Variants in PDE1C observed in about 807,000 individuals in gnomAD.
PDE1C encodes the protein phosphodiesterase 1C.
A neutral mutation model predicts 93.1 loss-of-function variants in PDE1C; 62 were observed. The ratio of observed to expected loss-of-function variants is 0.67; its 90% CI spans 0.54 to 0.82. The LOEUF (loss-of-function observed/expected upper bound fraction) is 0.82, where lower values mean the gene tolerates loss of function less well. PDE1C is among the 40% of genes least tolerant of loss of function. PDE1C has a pLI of 0.00. For synonymous variants in PDE1C, 325 were observed against 310.1 expected, an observed-to-expected ratio of 1.05 and a Z score of -0.50; for missense variants, 742 against 884.6, an observed-to-expected ratio of 0.84 and a Z score of 2.04.
chr7:32,075,638 C>A (rs192245969), upstream of PDE1C, among the ~76,000 whole-genome samples: 173 of 152,200 alleles, frequency 1.1e-3, no homozygotes, highest in African/African-American at 4.0e-3. Flanking sequence ...CCAGAGGTAC[C>A]CCCACTCTAG....
At chr7:31,809,212 T>C (rs752511050) in intron 15 of PDE1C, 104 bp from the exon 16 acceptor site, 9 of 686,058 alleles carry the variant, frequency 1.3e-5, no homozygotes, top group Non-Finnish European at 1.9e-5. Flanking sequence ...CATAATTTTA[T>C]AGTCATAAGA....
chr7:32,066,253 G>T (rs1795390889), intron 1 of PDE1C, among the ~76,000 whole-genome samples: 1 of 152,170 alleles, frequency 6.6e-6, no homozygotes. Context: ...GGGGTGAGGA[G>T]TAGAGTCTGT....
At chr7:32,195,264 T>C (rs1804533180) in intron 2 of PDE1C, among the ~76,000 whole-genome samples, 1 of 152,236 alleles carries the variant, frequency 6.6e-6, no homozygotes, top group Non-Finnish European at 1.5e-5. Flanking sequence ...TCTTATTGTT[T>C]TCTTTTTGTT....
At chr7:32,264,042 A>T (rs1810404698) in intron 1 of PDE1C, among the ~76,000 whole-genome samples, 1 of 151,766 alleles carries the variant, frequency 6.6e-6, no homozygotes, top group African/African-American at 2.4e-5. Flanking sequence ...TGAAAATTCC[A>T]CCCACCCCCT....
At chr7:32,074,951 T>C (rs1038504361), upstream of PDE1C, among the ~76,000 whole-genome samples, 5 of 152,188 alleles carry the variant, frequency 3.3e-5, no homozygotes, top group Admixed American at 6.5e-5. Context: ...CTCTCTCCTA[T>C]AGATGTCAGG....
intron 2 of PDE1C, among the ~76,000 whole-genome samples, chr7:32,191,154 C>A (rs983725839): frequency 6.6e-6 from 1 of 152,170 alleles, no homozygotes; most frequent in African/African-American, 2.4e-5. Flanking sequence ...AAATTAAATT[C>A]TTTTAATCAC....
chr7:32,230,783 A>C (rs1175359809), intron 1 of PDE1C, among the ~76,000 whole-genome samples: 1 of 152,064 alleles, frequency 6.6e-6, no homozygotes, highest in Non-Finnish European at 1.5e-5. Flanking sequence ...GGGCTCCACA[A>C]CTCACACAAC....
In PDE1C at chr7:32,238,317, C is replaced by G. The variant is rs78728283; in HGVS notation, c.86-28778G>C. On this transcript the variant is annotated intron_variant, in intron 1 of 18. Transcript: ENST00000396193. ...ATGCATCAAAACCATTATGAAGAAA[C>G]TTATAAAATTTTATTAAAAGATAGT... is the stretch of plus-strand genomic sequence containing the variant. Among the ~76,000 whole-genome samples, 713 of 152,232 alleles carry G rather than the reference C, an allele frequency of 4.7e-3. 2 individuals carry two copies. The highest frequency in any genetic ancestry group is 0.016 in the African/African-American group (679 of 41,530).
At chr7:32,146,888 T>C (rs574663264) in intron 3 of PDE1C, among the ~76,000 whole-genome samples, 62 of 152,294 alleles carry the variant, frequency 4.1e-4, no homozygotes, top group African/African-American at 9.4e-4. Context: ...TTTTCCATTG[T>C]TGTTCTCATA....
chr7:32,060,589 T>C (rs979303498), intron 1 of PDE1C, among the ~76,000 whole-genome samples: 6 of 152,168 alleles, frequency 3.9e-5, no homozygotes, highest in Admixed American at 1.3e-4. Context: ...CTTGGGACCA[T>C]TTTGAGCTCT....
intron 2 of PDE1C, among the ~76,000 whole-genome samples, chr7:31,998,053 T>C (rs1333752781): frequency 1.3e-5 from 2 of 152,064 alleles, no homozygotes; most frequent in African/African-American, 4.8e-5. Context: ...GGAGTCTCAC[T>C]CTGTTGCCCA....
chr7:32,349,139 G>A (rs1585120626), intron 1 of PDE1C, among the ~76,000 whole-genome samples: 1 of 152,190 alleles, frequency 6.6e-6, no homozygotes, highest in Non-Finnish European at 1.5e-5. Context: ...AGCCCTCGCA[G>A]TCACCTGTGG....
At chr7:32,289,455 T>C (rs1238985629) in intron 1 of PDE1C, among the ~76,000 whole-genome samples, 4 of 152,216 alleles carry the variant, frequency 2.6e-5, no homozygotes, top group Non-Finnish European at 5.9e-5. Context: ...TCATAAATGG[T>C]GAACATAACA....
At chr7:31,802,663 CT>C (rs1052123401) in intron 16 of PDE1C, among the ~76,000 whole-genome samples, 4 of 151,456 alleles carry the variant, frequency 2.6e-5, no homozygotes, top group Admixed American at 2.6e-4. Flanking sequence ...ATCTTGGTTT[CT>C]GAAAAATATT....
intron 1 of PDE1C, among the ~76,000 whole-genome samples, chr7:32,337,848 G>A (rs1398580324): frequency 6.6e-6 from 1 of 152,150 alleles, no homozygotes; most frequent in Admixed American, 6.5e-5. Context: ...CAAAGCAGGA[G>A]CATGAGGAGC....
intron 3 of PDE1C, among the ~76,000 whole-genome samples, chr7:32,144,477 C>A (rs1800713586): frequency 6.6e-6 from 1 of 152,144 alleles, no homozygotes; most frequent in Admixed American, 6.5e-5. Context: ...CTGGAGGAAT[C>A]CTGTATTTCT....
rs1196857062 is a variant in PDE1C at position 31,794,029 on chromosome 7, T to TAGAC, written c.1891+15001_1891+15002insGTCT. On this transcript the variant is annotated intron_variant, in intron 16 of 17. Coordinates refer to ENST00000396191, the MANE Select transcript of PDE1C (RefSeq NM_001191057.4). The stretch of plus-strand genomic sequence containing the variant: ...ATAGATAGATAGATAGATAGATAGA[T>TAGAC]AGATAGATAGATAGACAGACAGACA... Among the ~76,000 whole-genome samples the TAGAC allele has an allele frequency of 9.1e-4, 94 of 103,292 alleles. 1 individual carries two copies. The highest frequency in any genetic ancestry group is 2.7e-3 in the South Asian group (6 of 2,258). 67.8% of individuals were successfully genotyped at this position (103,292 alleles called of 152,430 possible).
chr7:32,027,607 T>TAAAAAAAAAAAAAAAAA (rs551660766), intron 2 of PDE1C, among the ~76,000 whole-genome samples: 1 of 78,502 alleles, frequency 1.3e-5, no homozygotes, highest in African/African-American at 6.1e-5. Flanking sequence ...TCAAAAATGG[T>TAAAAAAAAAAAAAAAAA]AAAAAAAAAA....
At chr7:31,873,176 C>G in intron 6 of PDE1C, 116 bp downstream of exon 6, 1 of 645,680 alleles carries the variant, frequency 1.5e-6, no homozygotes, top group South Asian at 2.0e-5. Context: ...GATGCTTCCT[C>G]AGTCGCCTGG....
Sources: allele counts gnomAD v4.1 joint callset (sites outside exome capture counted in the v4.1 genomes callset), GRCh38; gene constraint gnomAD v4.1.1; transcripts MANE v1.5; gene names NCBI Gene and HGNC (gene_info 2026-07-23, HGNC 2026-07-21).